The following ANO4 variants were observed in gnomAD, a reference collection of about 807,000 sequenced individuals.
The protein encoded by ANO4 is anoctamin 4, also known as anoctamin-4.
In ANO4, 69 loss-of-function variants were observed where a neutral mutation model predicts 141.9. The ratio of observed to expected loss-of-function variants is 0.49; its 90% CI spans 0.40 to 0.59. ANO4 has a LOEUF of 0.59. ANO4 is among the 20% of genes least tolerant of loss of function. ANO4 has a pLI of 0.00. For synonymous variants in ANO4, 350 were observed against 394.3 expected, an observed-to-expected ratio of 0.89 and a Z score of 1.33; for missense variants, 894 against 1,162.2, an observed-to-expected ratio of 0.77 and a Z score of 3.36.
chr12:100,910,368 CTCTCAT>C, intron 2 of ANO4, among the ~76,000 whole-genome samples: 1 of 152,242 alleles, frequency 6.6e-6, no homozygotes, highest in South Asian at 2.1e-4. Context: ...ATAAGATGGT[CTCTCAT>C]TATGCTGTAT....
intron 16 of ANO4, 55 bp downstream of exon 16, chr12:101,083,873 T>C: frequency 1.0e-5 from 15 of 1,431,414 alleles, no homozygotes; most frequent in Non-Finnish European, 1.3e-5. Flanking sequence ...TATAGCATAA[T>C]AACAGTAATC....
chr12:101,034,603 C>T (rs1247756405), intron 9 of ANO4, among the ~76,000 whole-genome samples: 1 of 47,440 alleles, frequency 2.1e-5, no homozygotes, highest in African/African-American at 8.9e-5. Context: ...TATCCCAAAA[C>T]TTAAATACAT....
chr12:101,060,152 A>C (rs2048289908), intron 14 of ANO4, among the ~76,000 whole-genome samples: 1 of 152,260 alleles, frequency 6.6e-6, no homozygotes, highest in South Asian at 2.1e-4. Context: ...GTAGTCATTC[A>C]GGAGCAGGTT....
chr12:100,876,047 G>T (rs117521069), intron 1 of ANO4, among the ~76,000 whole-genome samples: 4,453 of 152,248 alleles, frequency 0.029, 102 homozygotes, highest in Non-Finnish European at 0.043. Flanking sequence ...TACATGGAAA[G>T]GTCCCATACT....
At chr12:100,812,566 A>G (rs2135709417) in intron 1 of ANO4, among the ~76,000 whole-genome samples, 1 of 152,272 alleles carries the variant, frequency 6.6e-6, no homozygotes. Flanking sequence ...GGTGGGAACA[A>G]AATGAAAGCA....
rs181677054 is a variant in ANO4 at position 100,901,648 on chromosome 12, T to C, written c.-138T>C. 13 of 804,630 alleles carry C rather than the reference T, an allele frequency of 1.6e-5. No homozygotes were observed. In the Admixed American group the frequency reaches 1.9e-4, roughly 12 times the overall value. The allele number at this position is 804,630 out of a possible 1,614,324, so 49.8% of individuals were successfully genotyped here. A position where few individuals can be genotyped will look rare whatever the true frequency, so the allele number is the denominator to read the frequency against. On this transcript the variant is annotated splice_region_variant and 5_prime_UTR_variant, in exon 2 of 28. Coordinates refer to ENST00000392977, the MANE Select transcript of ANO4 (RefSeq NM_001286615.2). ...AATGGTGCCATTTCTCATTCCAGGTTTAAGTTTATCTATTCATGGGGCTGA... is the reference window on the plus strand; with the variant it reads ...AATGGTGCCATTTCTCATTCCAGGTCTAAGTTTATCTATTCATGGGGCTGA...
chr12:100,911,460 A>G (rs2041099818), intron 2 of ANO4, among the ~76,000 whole-genome samples: 1 of 152,162 alleles, frequency 6.6e-6, no homozygotes, highest in Non-Finnish European at 1.5e-5. Context: ...AGAAGGGACC[A>G]GTTAGGTTCT....
At chr12:100,864,119 C>T (rs937421709) in intron 1 of ANO4, among the ~76,000 whole-genome samples, 5 of 152,120 alleles carry the variant, frequency 3.3e-5, no homozygotes, top group Non-Finnish European at 7.4e-5. Flanking sequence ...TGCCTTTCTC[C>T]AGGTCACTGC....
At chr12:101,079,365 ACG>A in intron 15 of ANO4, 90 bp downstream of exon 15, 1 of 1,132,478 alleles carries the variant, frequency 8.8e-7, no homozygotes, top group Non-Finnish European at 1.3e-6. Context: ...CTGTTCTGTG[ACG>A]GAAGTCAGGT....
intron 1 of ANO4, among the ~76,000 whole-genome samples, chr12:100,849,718 C>A (rs965959970): frequency 4.6e-5 from 7 of 152,048 alleles, no homozygotes; most frequent in Admixed American, 4.6e-4. Context: ...TGTCATTTTG[C>A]GCATGCACAT....
chr12:100,939,230 C>A (rs867524326), intron 3 of ANO4, 85 bp from the exon 4 acceptor site: 1 of 1,375,504 alleles, frequency 7.3e-7, no homozygotes, highest in Non-Finnish European at 1.0e-6. Flanking sequence ...AAATATGAAC[C>A]CAAAGGGAGA....
In ANO4 at chr12:100,820,176, G is replaced by A. The variant is rs569397512; in HGVS notation, c.-141+25149G>A. ...CATCTAACATTTCTAGATGTTTAGAGCAGAAGGGGGGGCCCTCCCACCTGA... is the reference window on the plus strand; with the variant it reads ...CATCTAACATTTCTAGATGTTTAGAACAGAAGGGGGGGCCCTCCCACCTGA... On this transcript the variant is annotated intron_variant, in intron 1 of 27. Transcript: ENST00000392977. Among the ~76,000 whole-genome samples the A allele has an allele frequency of 1.2e-4, 18 of 151,804 alleles. No homozygotes were observed. The East Asian group carries it at 3.5e-3, about 30-fold the overall frequency.
At chr12:101,063,839 T>C (rs1277102607) in intron 14 of ANO4, among the ~76,000 whole-genome samples, 8 of 149,324 alleles carry the variant, frequency 5.4e-5, no homozygotes, top group African/African-American at 2.0e-4. Context: ...TATTCTCTTA[T>C]CTTCTTTCTA....
chr12:101,051,690 C>T (rs778698702), intron 14 of ANO4, among the ~76,000 whole-genome samples: 20 of 152,176 alleles, frequency 1.3e-4, no homozygotes, highest in Non-Finnish European at 2.5e-4. Flanking sequence ...AGGTACTGTT[C>T]TTATCCTCAT....
At chr12:100,769,833 A>G (rs1379726585) in intron 3 of ANO4, among the ~76,000 whole-genome samples, 1 of 152,250 alleles carries the variant, frequency 6.6e-6, no homozygotes, top group Non-Finnish European at 1.5e-5. Flanking sequence ...AGCCAGAGGC[A>G]AAATTATAAT....
At chr12:100,877,157 A>T (rs2039353014) in intron 1 of ANO4, among the ~76,000 whole-genome samples, 2 of 152,138 alleles carry the variant, frequency 1.3e-5, no homozygotes. Context: ...TTCAACGGGC[A>T]CAAAGTTTTG....
chr12:101,127,154 C>A, intron 27 of ANO4, 80 bp downstream of exon 27: 2 of 1,343,540 alleles, frequency 1.5e-6, no homozygotes, highest in Non-Finnish European at 2.0e-6. Context: ...CAAAGCTTAC[C>A]ATTGTTGCAG....
intron 9 of ANO4, among the ~76,000 whole-genome samples, chr12:101,035,464 A>G (rs1457632264): frequency 1.3e-5 from 2 of 152,184 alleles, no homozygotes; most frequent in Non-Finnish European, 2.9e-5. Flanking sequence ...TGATGGTCTT[A>G]TGAGTATATA....
chr12:100,862,206 A>G (rs1031493870), intron 1 of ANO4, among the ~76,000 whole-genome samples: 20 of 152,164 alleles, frequency 1.3e-4, no homozygotes, highest in African/African-American at 4.8e-4. Flanking sequence ...CTGGAACTAT[A>G]GGCATGTGCC....
Sources: gnomAD v4.1 joint callset for allele counts (sites outside exome capture counted in the v4.1 genomes callset) on GRCh38, gnomAD v4.1.1 for gene constraint, MANE v1.5 for transcripts, NCBI Gene and HGNC (gene_info 2026-07-23, HGNC 2026-07-21) for gene names.